Variants in GALNT17 observed in about 807,000 individuals in gnomAD.
GALNT17 encodes UDP-GalNAc:polypeptide N-acetylgalactosaminyltransferase-like 3.
Under a neutral mutation model 63.7 loss-of-function variants are expected in GALNT17, and 29 were observed. The observed-to-expected ratio is 0.46, with a 90% CI of 0.34 to 0.62. The LOEUF (loss-of-function observed/expected upper bound fraction) is 0.62, where lower values mean the gene tolerates loss of function less well. Among genes scored for constraint, GALNT17 ranks in the 20% least tolerant of loss-of-function variants. The probability of loss-of-function intolerance (pLI) is 0.01; values close to 1 mark genes in which losing one functional copy is unlikely to be tolerated. For missense variants in GALNT17, 603 were observed against 799.6 expected (o/e 0.75, Z 2.97); for synonymous variants, 305 against 318.3 (o/e 0.96, Z 0.45).
chr7:71,178,145 G>T (rs948699166), intron 1 of GALNT17, among the ~76,000 whole-genome samples: 58 of 152,114 alleles, frequency 3.8e-4, no homozygotes, highest in African/African-American at 1.3e-3. Context: ...AAATGTTTAT[G>T]TTTCATTTTC....
chr7:71,295,775 A>G (rs1305541273), intron 1 of GALNT17, among the ~76,000 whole-genome samples: 1 of 151,990 alleles, frequency 6.6e-6, no homozygotes, highest in Non-Finnish European at 1.5e-5. Flanking sequence ...ATTAAAAAAA[A>G]TTAGAGATGG....
intron 6 of GALNT17, among the ~76,000 whole-genome samples, chr7:71,621,508 T>TGGAC (rs1251360654): frequency 3.9e-5 from 4 of 102,770 alleles, no homozygotes; most frequent in Non-Finnish European, 8.3e-5. Context: ...GATAGATGGA[T>TGGAC]GGATGGATGG....
At chr7:71,200,576 C>A (rs1308125822) in intron 1 of GALNT17, among the ~76,000 whole-genome samples, 2 of 152,148 alleles carry the variant, frequency 1.3e-5, no homozygotes, top group Non-Finnish European at 2.9e-5. Context: ...TCTTAAAATA[C>A]CTGAATTATT....
At chr7:71,434,630 T>C (rs554399513) in intron 5 of GALNT17, among the ~76,000 whole-genome samples, 3 of 152,326 alleles carry the variant, frequency 2.0e-5, no homozygotes, top group Non-Finnish European at 4.4e-5. Context: ...TTGCCACCCG[T>C]GGGTTCTGTG....
intron 5 of GALNT17, among the ~76,000 whole-genome samples, chr7:71,496,041 T>G (rs1035050029): frequency 4.6e-5 from 7 of 152,232 alleles, no homozygotes; most frequent in African/African-American, 1.7e-4. Context: ...GAACACCATC[T>G]GTGGGGGCTC....
At chr7:71,414,677 T>C (rs73363713) in intron 3 of GALNT17, among the ~76,000 whole-genome samples, 7,164 of 152,258 alleles carry the variant, frequency 0.047, 596 homozygotes, top group African/African-American at 0.16. Flanking sequence ...ACGACTAAGT[T>C]GCAGGTCACG....
intron 6 of GALNT17, among the ~76,000 whole-genome samples, chr7:71,636,654 G>A (rs964192989): frequency 6.6e-5 from 10 of 152,218 alleles, no homozygotes; most frequent in African/African-American, 2.4e-4. Flanking sequence ...GGTAGACTTA[G>A]CAGGCTTCTC....
At chr7:71,544,135 T>C (rs199873016) in intron 5 of GALNT17, among the ~76,000 whole-genome samples, 98,408 of 137,896 alleles carry the variant, frequency 0.71, 35,212 homozygotes, top group Middle Eastern at 0.77. Context: ...TTTTTTTTTT[T>C]TTTTTTTTTT....
In GALNT17 at chr7:71,686,681, C is replaced by T. The variant is rs148026380; in HGVS notation, c.1500+9375C>T. ...CTGGGATGATAGGTATAAGCCAGTG[C>T]GCCCAGCCTTCCACATACTTTTATA... is the stretch of plus-strand genomic sequence containing the variant. On this transcript the variant is annotated intron_variant, in intron 9 of 10. Coordinates refer to ENST00000333538, the MANE Select transcript of GALNT17 (RefSeq NM_022479.3). Among the ~76,000 whole-genome samples the T allele has an allele frequency of 4.9e-3, 742 of 152,272 alleles. 21 individuals are homozygous for T. The highest frequency in any genetic ancestry group is 0.03 in the Admixed American group (459 of 15,282).
intron 2 of GALNT17, among the ~76,000 whole-genome samples, chr7:71,382,881 C>G (rs903406980): frequency 6.6e-6 from 1 of 152,108 alleles, no homozygotes. Context: ...ACCATCCTAA[C>G]CATTTTTAAG....
intron 5 of GALNT17, among the ~76,000 whole-genome samples, chr7:71,460,202 C>A (rs1787428713): frequency 6.6e-6 from 1 of 152,126 alleles, no homozygotes; most frequent in Admixed American, 6.5e-5. Context: ...TTACAGAGTT[C>A]AACTCTGTTC....
At chr7:71,602,583 T>A (rs888085652) in intron 6 of GALNT17, among the ~76,000 whole-genome samples, 2 of 152,206 alleles carry the variant, frequency 1.3e-5, no homozygotes, top group East Asian at 3.9e-4. Flanking sequence ...TCGGTTTTGC[T>A]TCTGCACCCT....
chr7:71,218,551 G>C (rs75208679), intron 1 of GALNT17, among the ~76,000 whole-genome samples: 2,106 of 152,204 alleles, frequency 0.014, 46 homozygotes, highest in African/African-American at 0.048. Flanking sequence ...TAGTGACACA[G>C]GGGTCCCCAA....
chr7:71,516,211 G>C (rs1788442060), intron 5 of GALNT17, among the ~76,000 whole-genome samples: 1 of 152,080 alleles, frequency 6.6e-6, no homozygotes, highest in Admixed American at 6.5e-5. Flanking sequence ...GGGGAGATAA[G>C]TAACCTATCT....
intron 1 of GALNT17, among the ~76,000 whole-genome samples, chr7:71,329,972 T>TACAC (rs1441583444): frequency 2.8e-5 from 4 of 142,032 alleles, no homozygotes; most frequent in African/African-American, 5.4e-5. Flanking sequence ...TATATATACG[T>TACAC]ATATGTGTGT....
In GALNT17 at chr7:71,427,200, C is replaced by T. The variant is rs188362820; in HGVS notation, c.962+6095C>T. On this transcript the variant is annotated intron_variant, in intron 5 of 10. Transcript: ENST00000333538. ...GTTGAAGCGATTCTCTTGCCTCAGC[C>T]TACCAAGTAGCTGGGACTACAGGTG... 2.5e-3 allele frequency among the ~76,000 whole-genome samples: 380 copies of T among 151,422 alleles called. 4 individuals are homozygous for T. The highest frequency in any genetic ancestry group is 9.0e-3 in the African/African-American group (372 of 41,378).
chr7:71,343,488 A>AT (rs1792040390), intron 2 of GALNT17, among the ~76,000 whole-genome samples: 1 of 152,206 alleles, frequency 6.6e-6, no homozygotes, highest in South Asian at 2.1e-4. Flanking sequence ...AGGCAAATGA[A>AT]TTCCAAAATG....
At chr7:71,674,879 C>T (rs17146524) in intron 8 of GALNT17, among the ~76,000 whole-genome samples, 6,576 of 152,192 alleles carry the variant, frequency 0.043, 143 homozygotes, top group African/African-American at 0.064. Flanking sequence ...TCTGAATCCT[C>T]GGAAGGGGTA....
rs2117055170 is a variant in GALNT17 at position 71,670,068 on chromosome 7, C to T, written c.1363C>T (p.Pro455Ser). The T allele has an allele frequency of 6.2e-7, 1 of 1,614,010 alleles. No individual in the cohort carries two copies. Among genetic ancestry groups the T allele is most frequent in the East Asian group, 2.2e-5 (1 of 44,862 alleles). Residue 455 changes from proline to serine, a missense_variant, in exon 8 of 11, where the codon CCA becomes TCA. Physicochemically the swap from Pro to Ser is moderately conservative, Grantham distance 74. This residue lies in a region of GALNT17 where 336 missense variants were observed against 507.8 expected (regional missense o/e 0.66). Coordinates refer to ENST00000333538, the MANE Select transcript of GALNT17 (RefSeq NM_022479.3). ...NFQWYLDHVY[P>S]EMRRYNNTVA... is the part of the protein sequence containing the mutation. ...CCAGTGGTACCTGGACCATGTTTAC[C>T]CAGAAATGAGAAGATACAATAATAC...
Sources: allele counts gnomAD v4.1 joint callset (sites outside exome capture counted in the v4.1 genomes callset), GRCh38; gene constraint gnomAD v4.1.1; regional missense constraint gnomAD v4.1.1; transcripts MANE v1.5; gene names NCBI Gene and HGNC (gene_info 2026-07-23, HGNC 2026-07-21).